The following TACR3 variants were observed in gnomAD, a reference collection of about 807,000 sequenced individuals.
TACR3 encodes neuromedin-K receptor.
In TACR3, 34 loss-of-function variants were observed where a neutral mutation model predicts 35.0. That is an observed-to-expected ratio of 0.97 (90% CI 0.74 to 1.30). The LOEUF is 1.30. TACR3 is among the 50% of genes most tolerant of loss of function. TACR3 has a pLI of 0.00. For missense variants in TACR3, 558 were observed against 591.7 expected (o/e 0.94, Z 0.59); for synonymous variants, 233 against 221.1 (o/e 1.05, Z -0.48).
chr4:103,682,439 A>G (rs974249327), intron 1 of TACR3, among the ~76,000 whole-genome samples: 32 of 152,248 alleles, frequency 2.1e-4, no homozygotes, highest in African/African-American at 7.2e-4. Context: ...GGCAAGAGAG[A>G]CTGAGCAAGA....
At chr4:103,656,693 C>A (rs1196700511) in intron 2 of TACR3, among the ~76,000 whole-genome samples, 2 of 151,908 alleles carry the variant, frequency 1.3e-5, no homozygotes, top group East Asian at 3.9e-4. Context: ...TTAAATGTAT[C>A]ATTGGAGGAA....
intron 1 of TACR3, among the ~76,000 whole-genome samples, chr4:103,662,294 C>T (rs1450367354): frequency 6.7e-6 from 1 of 149,552 alleles, no homozygotes; most frequent in East Asian, 2.0e-4. Context: ...GATCTTGGCT[C>T]ACTGCAACCT....
At chr4:103,681,846 C>A (rs896849990) in intron 1 of TACR3, among the ~76,000 whole-genome samples, 1 of 151,586 alleles carries the variant, frequency 6.6e-6, no homozygotes, top group Non-Finnish European at 1.5e-5. Context: ...CCAAGATGAC[C>A]CATATTCTAG....
At chr4:103,673,404 T>C (rs542011988) in intron 1 of TACR3, among the ~76,000 whole-genome samples, 1 of 152,286 alleles carries the variant, frequency 6.6e-6, no homozygotes, top group East Asian at 1.9e-4. Flanking sequence ...TTAATTGGCT[T>C]AATTTCAACA....
intron 1 of TACR3, among the ~76,000 whole-genome samples, chr4:103,687,379 G>A (rs1374543665): frequency 2.0e-4 from 30 of 152,148 alleles, no homozygotes; most frequent in Middle Eastern, 3.4e-3. Flanking sequence ...TCAACATAGT[G>A]TTGGAAGTTC....
rs530288404 is a variant in TACR3, at chr4:103,612,275, G to T, written c.889-20592C>A. On this transcript the variant is annotated intron_variant, in intron 3 of 4. Transcript: ENST00000304883. The stretch of plus-strand genomic sequence containing the variant: ...ATTGCTTATGTTGTCTTTCTTGCCT[G>T]GAGTGCTCTTCTCCTAATTCTTTGT... Among the ~76,000 whole-genome samples the T allele has an allele frequency of 3.3e-5, 5 of 152,130 alleles. No homozygotes were observed. In the South Asian group the frequency reaches 1.0e-3, roughly 32 times the overall value.
chr4:103,642,708 T>C (rs1725382414), intron 3 of TACR3, among the ~76,000 whole-genome samples: 1 of 151,694 alleles, frequency 6.6e-6, no homozygotes, highest in Admixed American at 6.6e-5. Flanking sequence ...GATACGTACA[T>C]ACAGGTAGAT....
intron 3 of TACR3, among the ~76,000 whole-genome samples, chr4:103,629,369 A>T (rs1280700127): frequency 1.2e-4 from 19 of 152,140 alleles, no homozygotes; most frequent in Admixed American, 1.2e-3. Context: ...TTCAGATGAC[A>T]TGATTGTATA....
At chr4:103,689,721 C>T (rs1221901692) in intron 1 of TACR3, among the ~76,000 whole-genome samples, 1 of 151,920 alleles carries the variant, frequency 6.6e-6, no homozygotes, top group Non-Finnish European at 1.5e-5. Context: ...AATATACAAG[C>T]ATATGCATGA....
chr4:103,656,946 AAAAAC>A (rs143039935), intron 2 of TACR3, among the ~76,000 whole-genome samples: 23,027 of 150,890 alleles, frequency 0.15, 1,892 homozygotes, highest in African/African-American at 0.18. Context: ...TTAACTTGGT[AAAAAC>A]AAAACAAAAC....
intron 3 of TACR3, among the ~76,000 whole-genome samples, chr4:103,641,268 T>C (rs1259288184): frequency 6.6e-6 from 1 of 151,930 alleles, no homozygotes; most frequent in East Asian, 1.9e-4. Flanking sequence ...TAGGTGTTTT[T>C]TAAAAAAATT....
intron 3 of TACR3, among the ~76,000 whole-genome samples, chr4:103,606,623 G>T (rs367889759): frequency 1.3e-5 from 2 of 152,082 alleles, no homozygotes; most frequent in Non-Finnish European, 2.9e-5. Context: ...TTGGCTCTCT[G>T]TCTGTTGTTG....
chr4:103,641,847 A>T (rs893055159), intron 3 of TACR3, among the ~76,000 whole-genome samples: 4 of 151,966 alleles, frequency 2.6e-5, no homozygotes, highest in Non-Finnish European at 5.9e-5. Context: ...CCTGAAGGAC[A>T]TTATGCTAAG....
Position 103,700,790 on chromosome 4 carries a change from C to A in TACR3, c.548+18338G>T, listed in dbSNP as rs372404324. Among the ~76,000 whole-genome samples the A allele has an allele frequency of 5.9e-5, 9 of 152,174 alleles. No individual in the cohort carries two copies. The East Asian group carries it at 9.7e-4, about 16-fold the overall frequency. On this transcript the variant is annotated intron_variant, in intron 1 of 4. Coordinates refer to ENST00000304883, the MANE Select transcript of TACR3 (RefSeq NM_001059.3). Reference sequence around the variant, plus strand: ...TAATCCAGCGTATAAACAGAACCAACGACAAAAAGCATATGATTATCTCAA... The same window carrying A: ...TAATCCAGCGTATAAACAGAACCAAAGACAAAAAGCATATGATTATCTCAA...
At chr4:103,675,912 C>T (rs567901770) in intron 1 of TACR3, among the ~76,000 whole-genome samples, 30 of 151,952 alleles carry the variant, frequency 2.0e-4, no homozygotes, top group Admixed American at 1.8e-3. Flanking sequence ...ACCGAAAAAT[C>T]GAAATTATCC....
chr4:103,653,997 A>T (rs1332213428), intron 3 of TACR3, among the ~76,000 whole-genome samples: 2 of 148,256 alleles, frequency 1.3e-5, no homozygotes, highest in Admixed American at 6.7e-5. Context: ...CCACAATGAG[A>T]TACCATCTCA....
rs1723152145 is a variant in TACR3 at position 103,719,104 on chromosome 4, CCTCT to C, written c.548+20_548+23del. ...TCTTTTCTTTCCCTTCTCCCTCTTT[CCTCT>C]CTGTCTGTCCTCTCCTCACCTGTCC... On this transcript the variant is annotated intron_variant, in intron 1 of 4. Coordinates refer to ENST00000304883, the MANE Select transcript of TACR3 (RefSeq NM_001059.3). 2 of 1,614,006 alleles carry C rather than the reference CCTCT, an allele frequency of 1.2e-6. No individual in the cohort carries two copies. Among genetic ancestry groups the C allele is most frequent in the African/African-American group, 1.3e-5 (1 of 75,060 alleles).
rs147559712 is a variant in TACR3, at chr4:103,664,260, CT to C, written c.549-5858del. On this transcript the variant is annotated intron_variant, in intron 1 of 4. Coordinates refer to ENST00000304883, the MANE Select transcript of TACR3 (RefSeq NM_001059.3). ...ATTTTTCTGATATAATTGAGGTGGT[CT>C]TTTATGTTTACTTATTGTCTTTTGA... Among the ~76,000 whole-genome samples the C allele has an allele frequency of 4.8e-3, 723 of 152,206 alleles. 6 individuals are homozygous for C. Among genetic ancestry groups the C allele is most frequent in the African/African-American group, 0.016 (681 of 41,546 alleles).
chr4:103,707,769 A>G (rs1432149084), intron 1 of TACR3, among the ~76,000 whole-genome samples: 2 of 152,156 alleles, frequency 1.3e-5, no homozygotes, highest in African/African-American at 4.8e-5. Context: ...AAGCTGTGAC[A>G]GACGGCACAT....
Sources: gnomAD v4.1 joint callset for allele counts (sites outside exome capture counted in the v4.1 genomes callset) on GRCh38, gnomAD v4.1.1 for gene constraint, MANE v1.5 for transcripts, NCBI Gene and HGNC (gene_info 2026-07-23, HGNC 2026-07-21) for gene names.